Variants in KHDRBS3 observed in about 807,000 individuals in gnomAD.
The protein encoded by KHDRBS3 is KH domain-containing, RNA-binding, signal transduction-associated protein 3.
A neutral mutation model predicts 45.6 loss-of-function variants in KHDRBS3; 23 were observed. The observed-to-expected ratio is 0.50, with a 90% confidence interval of 0.36 to 0.72. The LOEUF (loss-of-function observed/expected upper bound fraction) is 0.72, where lower values mean the gene tolerates loss of function less well. KHDRBS3 is among the 30% of genes least tolerant of loss of function. The pLI is 0.00. For synonymous variants in KHDRBS3, 162 were observed against 156.5 expected (o/e 1.04, Z -0.26); for missense variants, 352 against 424.8 (o/e 0.83, Z 1.51).
At chr8:135,475,639 T>G (rs776226437) in intron 1 of KHDRBS3, among the ~76,000 whole-genome samples, 3 of 152,034 alleles carry the variant, frequency 2.0e-5, no homozygotes, top group Non-Finnish European at 2.9e-5. Context: ...AATCTCAAAT[T>G]ATACATCAGC....
intron 1 of KHDRBS3, among the ~76,000 whole-genome samples, chr8:135,482,804 A>G (rs1822651915): frequency 5.3e-5 from 8 of 152,186 alleles, no homozygotes; most frequent in Admixed American, 5.2e-4. Flanking sequence ...GTTGACTAAC[A>G]CCACCTAGTA....
intron 7 of KHDRBS3, among the ~76,000 whole-genome samples, chr8:135,635,693 T>C (rs1298614477): frequency 6.6e-6 from 1 of 152,200 alleles, no homozygotes; most frequent in Admixed American, 6.5e-5. Flanking sequence ...TGGCAGGTAG[T>C]AGTTTCTTAA....
intron 3 of KHDRBS3, among the ~76,000 whole-genome samples, chr8:135,546,216 C>T (rs945854122): frequency 6.6e-6 from 1 of 151,640 alleles, no homozygotes; most frequent in African/African-American, 2.4e-5. Flanking sequence ...TAGTCACTGC[C>T]TGAATTCTTG....
intron 1 of KHDRBS3, among the ~76,000 whole-genome samples, chr8:135,472,624 G>A (rs1822071264): frequency 6.6e-6 from 1 of 152,222 alleles, no homozygotes; most frequent in African/African-American, 2.4e-5. Flanking sequence ...CCTCATGCAT[G>A]GCTAAGGAGT....
chr8:135,516,975 A>AT (rs1325874256), intron 1 of KHDRBS3, among the ~76,000 whole-genome samples: 1 of 152,164 alleles, frequency 6.6e-6, no homozygotes, highest in Non-Finnish European at 1.5e-5. Flanking sequence ...TTATTTAGCT[A>AT]TTTTTAGAAT....
intron 1 of KHDRBS3, among the ~76,000 whole-genome samples, chr8:135,494,270 C>CTTTTTTTT (rs1156554377): frequency 8.4e-6 from 1 of 118,770 alleles, no homozygotes; most frequent in African/African-American, 3.6e-5. Flanking sequence ...TTCTGTTTCT[C>CTTTTTTTT]TTATTTTTTT....
chr8:135,598,309 A>G (rs1829058996), intron 6 of KHDRBS3, among the ~76,000 whole-genome samples: 2 of 152,220 alleles, frequency 1.3e-5, no homozygotes, highest in African/African-American at 4.8e-5. Flanking sequence ...TATGCCAAAC[A>G]ATTTTCATAA....
intron 1 of KHDRBS3, among the ~76,000 whole-genome samples, chr8:135,499,869 C>T (rs1823645083): frequency 6.6e-6 from 1 of 152,054 alleles, no homozygotes; most frequent in Non-Finnish European, 1.5e-5. Flanking sequence ...CATTCCTGTG[C>T]TAGAGTTCTT....
At chr8:135,524,988 C>G (rs1425858315) in intron 2 of KHDRBS3, among the ~76,000 whole-genome samples, 1 of 152,130 alleles carries the variant, frequency 6.6e-6, no homozygotes, top group Non-Finnish European at 1.5e-5. Context: ...CTACTAATTT[C>G]TAAGTCTTCT....
chr8:135,531,520 C>T (rs868348599), intron 2 of KHDRBS3, among the ~76,000 whole-genome samples: 19 of 151,780 alleles, frequency 1.3e-4, no homozygotes, highest in Non-Finnish European at 2.2e-4. Flanking sequence ...CGATTATATA[C>T]GAAAAATGCT....
At position 135,653,937 on chromosome 8, in the gene KHDRBS3, A is replaced by G. The variant is rs1446530417; in HGVS notation, c.*118-2289A>G. On this transcript the variant is annotated intron_variant and NMD_transcript_variant, in intron 4 of 4. Transcript: ENST00000521461. ...AAAATATGCCCTTTATTTAGTCAGT[A>G]ATACATGTGCTTGGTACAAAATATA... 2.0e-5 allele frequency among the ~76,000 whole-genome samples: 3 copies of G among 152,198 alleles called. No individual in the cohort carries two copies. The East Asian group carries it at 5.8e-4, about 29-fold the overall frequency.
At chr8:135,463,875 C>T (rs1485853043) in intron 1 of KHDRBS3, among the ~76,000 whole-genome samples, 2 of 152,106 alleles carry the variant, frequency 1.3e-5, no homozygotes, top group Non-Finnish European at 2.9e-5. Context: ...GGAGAGTGTT[C>T]CTTGGCGTTG....
chr8:135,564,556 C>G (rs1827312592), intron 5 of KHDRBS3, among the ~76,000 whole-genome samples: 1 of 152,140 alleles, frequency 6.6e-6, no homozygotes, highest in Non-Finnish European at 1.5e-5. Context: ...TACTGAAACA[C>G]TAAGGACATT....
At chr8:135,504,492 T>C (rs1823891033) in intron 1 of KHDRBS3, among the ~76,000 whole-genome samples, 1 of 152,190 alleles carries the variant, frequency 6.6e-6, no homozygotes, top group Non-Finnish European at 1.5e-5. Flanking sequence ...AGTTTCTTTG[T>C]CAGAGGCATA....
intron 5 of KHDRBS3, among the ~76,000 whole-genome samples, chr8:135,571,755 T>G (rs968414298): frequency 1.3e-5 from 2 of 152,152 alleles, no homozygotes; most frequent in Non-Finnish European, 2.9e-5. Flanking sequence ...GGGGGAACTC[T>G]GGCACTGGGG....
chr8:135,592,227 G>A (rs956847836), intron 6 of KHDRBS3, among the ~76,000 whole-genome samples: 4 of 151,936 alleles, frequency 2.6e-5, no homozygotes, highest in Non-Finnish European at 2.9e-5. Context: ...AAATATATGA[G>A]TATGGAAGTT....
intron 4 of KHDRBS3, among the ~76,000 whole-genome samples, chr8:135,652,612 T>G (rs1384797538): frequency 6.6e-6 from 1 of 152,228 alleles, no homozygotes; most frequent in African/African-American, 2.4e-5. Flanking sequence ...CACAAATGAA[T>G]GAACACAACT....
At chr8:135,604,097 A>G (rs1356204182) in intron 6 of KHDRBS3, among the ~76,000 whole-genome samples, 1 of 151,872 alleles carries the variant, frequency 6.6e-6, no homozygotes, top group African/African-American at 2.4e-5. Context: ...ATTGTTACAT[A>G]TATTTTTTAT....
At chr8:135,596,932 A>T (rs1356653590) in intron 6 of KHDRBS3, among the ~76,000 whole-genome samples, 1 of 152,120 alleles carries the variant, frequency 6.6e-6, no homozygotes, top group African/African-American at 2.4e-5. Context: ...GAGGTTCCAC[A>T]TGGTCTCGTC....
Sources: allele counts gnomAD v4.1 joint callset (sites outside exome capture counted in the v4.1 genomes callset), GRCh38; gene constraint gnomAD v4.1.1; transcripts MANE v1.5; gene names NCBI Gene and HGNC (gene_info 2026-07-23, HGNC 2026-07-21).